The following GALNT13 variants were observed in gnomAD, a reference collection of about 807,000 sequenced individuals.
GALNT13 encodes the protein polypeptide N-acetylgalactosaminyltransferase 13.
A neutral mutation model predicts 64.2 loss-of-function variants in GALNT13; 28 were observed. The ratio of observed to expected loss-of-function variants is 0.44; its 90% CI spans 0.32 to 0.60. The LOEUF (loss-of-function observed/expected upper bound fraction) is 0.60, where lower values mean the gene tolerates loss of function less well. GALNT13 is among the 20% of genes least tolerant of loss of function. The pLI is 0.05. For synonymous variants in GALNT13, 214 were observed against 224.6 expected, an observed-to-expected ratio of 0.95 and a Z score of 0.42; for missense variants, 577 against 669.8, an observed-to-expected ratio of 0.86 and a Z score of 1.53.
At chr2:154,288,993 C>G (rs578028473) in intron 8 of GALNT13, among the ~76,000 whole-genome samples, 3 of 152,318 alleles carry the variant, frequency 2.0e-5, no homozygotes, top group Non-Finnish European at 2.9e-5. Context: ...CCACACTGCT[C>G]TAGCAAGAGG....
At chr2:153,559,665 A>T in the GALNT13 span, among the ~76,000 whole-genome samples, 1 of 152,038 alleles carries the variant, frequency 6.6e-6, no homozygotes, top group Non-Finnish European at 1.5e-5. Flanking sequence ...TCCTTCCATT[A>T]AGAGATTTTT....
At chr2:153,384,056 C>T in the GALNT13 span, among the ~76,000 whole-genome samples, 2 of 152,028 alleles carry the variant, frequency 1.3e-5, no homozygotes, top group Non-Finnish European at 2.9e-5. Context: ...AGCAAAAACC[C>T]ATTTTCTATT....
At chr2:153,466,450 G>T in the GALNT13 span, among the ~76,000 whole-genome samples, 621 of 148,366 alleles carry the variant, frequency 4.2e-3, 3 homozygotes, top group Middle Eastern at 0.01. Flanking sequence ...CTTTCTAGTT[G>T]TTTTTTTTTT....
chr2:153,473,659 A>AAGCC, the GALNT13 span, among the ~76,000 whole-genome samples: 6 of 152,242 alleles, frequency 3.9e-5, no homozygotes, highest in African/African-American at 1.4e-4. Flanking sequence ...AGGCTTTCAA[A>AAGCC]TTAGGTTTGA....
the GALNT13 span, among the ~76,000 whole-genome samples, chr2:153,741,001 G>A: frequency 3.3e-5 from 5 of 152,132 alleles, no homozygotes; most frequent in African/African-American, 9.7e-5. Flanking sequence ...AAAAGAGGGA[G>A]TGTTAGCCAC....
intron 3 of GALNT13, among the ~76,000 whole-genome samples, chr2:154,089,148 C>T (rs939927009): frequency 6.6e-6 from 1 of 152,038 alleles, no homozygotes; most frequent in Non-Finnish European, 1.5e-5. Context: ...CACTTTATTC[C>T]AAACAAGTGA....
At chr2:154,162,723 A>G (rs904454259) in intron 4 of GALNT13, among the ~76,000 whole-genome samples, 1 of 152,222 alleles carries the variant, frequency 6.6e-6, no homozygotes, top group Non-Finnish European at 1.5e-5. Flanking sequence ...CACTGTGCTT[A>G]AAAATAGCAA....
At chr2:153,949,750 G>A (rs1692032920) in intron 3 of GALNT13, among the ~76,000 whole-genome samples, 1 of 151,886 alleles carries the variant, frequency 6.6e-6, no homozygotes, top group Non-Finnish European at 1.5e-5. Flanking sequence ...AAGCACAGGG[G>A]GAGACAAATT....
intron 12 of GALNT13, among the ~76,000 whole-genome samples, chr2:154,448,512 A>T (rs1182244292): frequency 6.6e-6 from 1 of 152,048 alleles, no homozygotes; most frequent in Non-Finnish European, 1.5e-5. Context: ...ACCTGAGTCT[A>T]AAAGGTCTGG....
At chr2:154,343,449 G>T (rs1271922020) in intron 9 of GALNT13, among the ~76,000 whole-genome samples, 1 of 152,006 alleles carries the variant, frequency 6.6e-6, no homozygotes, top group African/African-American at 2.4e-5. Context: ...ACTTCATTAT[G>T]CAAGAGATAC....
At chr2:153,615,698 T>C in the GALNT13 span, among the ~76,000 whole-genome samples, 1 of 152,142 alleles carries the variant, frequency 6.6e-6, no homozygotes, top group Non-Finnish European at 1.5e-5. Context: ...TGGAAATCTT[T>C]TAAATCTTTT....
chr2:153,269,329 A>G, the GALNT13 span, among the ~76,000 whole-genome samples: 2 of 152,194 alleles, frequency 1.3e-5, no homozygotes, highest in Admixed American at 6.5e-5. Context: ...TCTCAGATTC[A>G]AAGACAGATC....
chr2:153,180,173 T>C, the GALNT13 span, among the ~76,000 whole-genome samples: 1 of 152,164 alleles, frequency 6.6e-6, no homozygotes, highest in African/African-American at 2.4e-5. Context: ...TTATTCTATA[T>C]GGTCCTTATT....
At chr2:153,472,614 C>T in the GALNT13 span, among the ~76,000 whole-genome samples, 1 of 152,100 alleles carries the variant, frequency 6.6e-6, no homozygotes, top group Non-Finnish European at 1.5e-5. Flanking sequence ...TTAGGCAGGG[C>T]AGGATTTCTT....
chr2:154,217,583 CGTT>C (rs1688112906), intron 4 of GALNT13, among the ~76,000 whole-genome samples: 1 of 151,872 alleles, frequency 6.6e-6, no homozygotes, highest in Non-Finnish European at 1.5e-5. Flanking sequence ...ACCATGCTGA[CGTT>C]GTTGATCCCC....
At chr2:153,703,101 A>C in the GALNT13 span, among the ~76,000 whole-genome samples, 1 of 152,186 alleles carries the variant, frequency 6.6e-6, no homozygotes, top group South Asian at 2.1e-4. Flanking sequence ...TAATCAAGTA[A>C]TATGAGGCTT....
the GALNT13 span, among the ~76,000 whole-genome samples, chr2:153,127,393 C>T: frequency 2.0e-5 from 3 of 152,190 alleles, 1 homozygote; most frequent in Admixed American, 2.0e-4. Flanking sequence ...GTGCAAATCC[C>T]TATATAAAAT....
the GALNT13 span, among the ~76,000 whole-genome samples, chr2:153,253,951 C>T: frequency 2.0e-5 from 3 of 152,010 alleles, no homozygotes; most frequent in South Asian, 2.1e-4. Flanking sequence ...TGTCTCTGCC[C>T]GGCTTTAGTA....
intron 4 of GALNT13, among the ~76,000 whole-genome samples, chr2:154,240,837 G>C (rs1420703141): frequency 2.0e-5 from 3 of 152,206 alleles, no homozygotes; most frequent in Non-Finnish European, 4.4e-5. Flanking sequence ...TGGAGAATGA[G>C]TGCAAGGTTT....
Sources: allele counts gnomAD v4.1 joint callset (sites outside exome capture counted in the v4.1 genomes callset), GRCh38; gene constraint gnomAD v4.1.1; transcripts MANE v1.5; gene names NCBI Gene and HGNC (gene_info 2026-07-23, HGNC 2026-07-21).